Variants in TAX1BP1 observed in about 807,000 individuals in gnomAD.
The protein encoded by TAX1BP1 is Tax1 binding protein 1.
TAX1BP1 carries 62 observed loss-of-function variants against 97.7 expected under a neutral mutation model. The observed-to-expected ratio is 0.63, with a 90% confidence interval of 0.52 to 0.78. TAX1BP1 has a LOEUF of 0.78. Ranked by LOEUF, TAX1BP1 falls within the 30% of genes least tolerant of loss-of-function variation. TAX1BP1 has a pLI of 0.00. For missense variants in TAX1BP1, 867 were observed against 916.1 expected, an observed-to-expected ratio of 0.95 and a Z score of 0.69; for synonymous variants, 340 against 304.2, an observed-to-expected ratio of 1.12 and a Z score of -1.23.
chr7:27,814,874 C>G (rs182108019), intron 13 of TAX1BP1, among the ~76,000 whole-genome samples: 1 of 152,088 alleles, frequency 6.6e-6, no homozygotes, highest in Non-Finnish European at 1.5e-5. Context: ...GTAGCTGGGA[C>G]TACAGGTGTG....
rs907842891 is a variant in TAX1BP1, at chr7:27,772,228, T to G, written c.612+2394T>G. 4.6e-5 allele frequency: 7 copies of G among 152,078 alleles called. No homozygotes were observed. The South Asian group carries it at 6.2e-4, about 14-fold the overall frequency. The allele number at this position is 152,078 out of a possible 1,614,324, so 9.4% of individuals were successfully genotyped here. A position where few individuals can be genotyped will look rare whatever the true frequency, so the allele number is the denominator to read the frequency against. ...TAATCAAGCATGCCTGCTGGGCAGC[T>G]ACAACTCCAGACTTTCAAACTGGTC... On this transcript the variant is annotated intron_variant, in intron 5 of 16. Transcript: ENST00000396319.
At chr7:27,774,511 T>C (rs1262785414) in intron 5 of TAX1BP1, among the ~76,000 whole-genome samples, 4 of 152,106 alleles carry the variant, frequency 2.6e-5, no homozygotes, top group African/African-American at 7.2e-5. Context: ...ATGGAATAAA[T>C]AGATAACAAT....
At chr7:27,810,104 T>TTTAGTAGAGACAAA (rs1790498783) in intron 13 of TAX1BP1, among the ~76,000 whole-genome samples, 1 of 152,080 alleles carries the variant, frequency 6.6e-6, no homozygotes, top group Admixed American at 6.5e-5. Flanking sequence ...AGACAAGGTT[T>TTTAGTAGAGACAAA]CACTGTGTTA....
Position 27,752,229 on chromosome 7 carries a change from T to C in TAX1BP1, c.162+3543T>C, listed in dbSNP as rs115695329. 6.1e-3 allele frequency among the ~76,000 whole-genome samples: 933 copies of C among 152,282 alleles called. 7 individuals are homozygous for C. Among genetic ancestry groups the C allele is most frequent in the African/African-American group, 0.018 (751 of 41,544 alleles). ...ATCCATAAGTAGAATTCATAGGATA[T>C]GTCAACAGTCAATTGAATTAGAACT... On this transcript the variant is annotated intron_variant, in intron 2 of 16. Coordinates refer to ENST00000396319, the MANE Select transcript of TAX1BP1 (RefSeq NM_006024.7).
intron 5 of TAX1BP1, among the ~76,000 whole-genome samples, chr7:27,783,122 C>T (rs937131959): frequency 2.0e-5 from 3 of 152,096 alleles, no homozygotes; most frequent in African/African-American, 7.2e-5. Flanking sequence ...TCTCCCTTTG[C>T]CCCAATTTTT....
chr7:27,799,518 G>T (rs574985113), intron 12 of TAX1BP1, among the ~76,000 whole-genome samples: 1 of 152,008 alleles, frequency 6.6e-6, no homozygotes, highest in African/African-American at 2.4e-5. Context: ...GTGAAATGTT[G>T]TAGTGTTCCA....
chr7:27,792,116 A>G lies in TAX1BP1; in HGVS notation c.1149A>G (p.Val383=), dbSNP rs764124035. Residue 383 remains valine (V), a synonymous_variant, in exon 9 of 17, where the codon GTA becomes GTG. Transcript: ENST00000396319. The part of the protein sequence containing the change: ...LAKELSDAVN[V]RDRTMADLHT... ...AAGAACTCAGTGATGCTGTCAACGT[A>G]CGAGACAGAACGATGGCAGACCTGC... The G allele has an allele frequency of 1.9e-6, 3 of 1,614,090 alleles. No homozygotes were observed. The highest frequency in any genetic ancestry group is 8.5e-7 in the Non-Finnish European group (1 of 1,180,024).
rs568302817 is a variant in TAX1BP1 at position 27,769,425 on chromosome 7, C to A, written c.454-251C>A. On this transcript the variant is annotated intron_variant, in intron 4 of 16. Transcript: ENST00000396319. ...GATCTCAAAAATGATTAGCAGCCAA[C>A]TTCATAATACAGTTCTCTCATTTTG... Among the ~76,000 whole-genome samples the A allele has an allele frequency of 4.6e-5, 7 of 151,996 alleles. No individual in the cohort carries two copies. In the South Asian group the frequency reaches 1.5e-3, roughly 32 times the overall value.
chr7:27,741,989 C>G (rs549909308), intron 1 of TAX1BP1, among the ~76,000 whole-genome samples: 2 of 152,354 alleles, frequency 1.3e-5, no homozygotes, highest in African/African-American at 4.8e-5. Flanking sequence ...ACATAAACAT[C>G]TCAATGCTTT....
intron 3 of TAX1BP1, among the ~76,000 whole-genome samples, 177 bp from the exon 4 acceptor site, chr7:27,765,657 A>G (rs1788603240): frequency 6.6e-6 from 1 of 152,224 alleles, no homozygotes. Context: ...GAAAAAATTT[A>G]ACTTTGAGTA....
chr7:27,761,415 A>G (rs2128310343), intron 3 of TAX1BP1, among the ~76,000 whole-genome samples: 1 of 152,300 alleles, frequency 6.6e-6, no homozygotes, highest in African/African-American at 2.4e-5. Context: ...ATGAAGACAT[A>G]TACCTACTGT....
In TAX1BP1 at chr7:27,800,037, A is replaced by T; in HGVS notation, c.1711A>T (p.Lys571Ter). The change falls in exon 13 of 17, where the codon AAA becomes TAA. Residue 571 changes from lysine to a stop codon, truncating the protein, a stop_gained. Coordinates refer to ENST00000396319, the MANE Select transcript of TAX1BP1 (RefSeq NM_006024.7). LOFTEE classifies it high-confidence loss of function. ...KMELKWKEQV[K>*]IAENVKLELA... ...GGAGCTGAAATGGAAAGAACAAGTG[A>T]AAATTGCTGAAAATGTAAAACTTGA... 1 of 1,602,424 alleles carries T rather than the reference A, an allele frequency of 6.2e-7. No homozygotes were observed. Among genetic ancestry groups the T allele is most frequent in the South Asian group, 1.1e-5 (1 of 88,770 alleles).
Position 27,785,295 on chromosome 7 carries a change from G to C in TAX1BP1, c.745G>C (p.Glu249Gln). ...AGTAACACATAAAGCAATTGAAAAA[G>C]AAACCGAATTAGACAGGTATTTCTC... is the stretch of plus-strand genomic sequence containing the variant. ...VSVTHKAIEK[E>Q]TELDSLKDKL... The change falls in exon 6 of 17, where the codon GAA becomes CAA. Residue 249 changes from glutamate (E) to glutamine (Q), a missense_variant. Coordinates refer to ENST00000396319, the MANE Select transcript of TAX1BP1 (RefSeq NM_006024.7). 2 of 1,608,430 alleles carry C rather than the reference G, an allele frequency of 1.2e-6. No homozygotes were observed. Among genetic ancestry groups the C allele is most frequent in the East Asian group, 4.5e-5 (2 of 44,712 alleles).
At chr7:27,753,658 C>A (rs1370213058) in intron 2 of TAX1BP1, among the ~76,000 whole-genome samples, 1 of 151,878 alleles carries the variant, frequency 6.6e-6, no homozygotes, top group Admixed American at 6.6e-5. Flanking sequence ...AAAAATAGAA[C>A]AATTGTAACA....
chr7:27,747,258 G>A (rs966918459), intron 1 of TAX1BP1, among the ~76,000 whole-genome samples: 1 of 152,002 alleles, frequency 6.6e-6, no homozygotes, highest in Non-Finnish European at 1.5e-5. Context: ...TTGCTTTTTT[G>A]GGTAAATCCT....
rs1318302517 is a variant in TAX1BP1, at chr7:27,791,456, A to G, written c.1039-550A>G. ...GTATGAATTACTTTTCATTTTCCCA[A>G]TGCCTCGTCTTTACTATTTGTATAT... On this transcript the variant is annotated intron_variant, in intron 8 of 16. Transcript: ENST00000396319. Among the ~76,000 whole-genome samples the G allele has an allele frequency of 2.6e-5, 4 of 152,106 alleles. No homozygotes were observed. The East Asian group carries it at 5.8e-4, about 22-fold the overall frequency.
intron 10 of TAX1BP1, among the ~76,000 whole-genome samples, chr7:27,793,497 A>G (rs1789796937): frequency 6.6e-6 from 1 of 152,210 alleles, no homozygotes; most frequent in Non-Finnish European, 1.5e-5. Flanking sequence ...TCTGTCACTC[A>G]AAACTCAATA....
chr7:27,765,157 A>G (rs1018979955), intron 3 of TAX1BP1, among the ~76,000 whole-genome samples: 5 of 147,326 alleles, frequency 3.4e-5, no homozygotes, highest in Non-Finnish European at 7.5e-5. Context: ...CTGGGACTGC[A>G]GGTACATGCC....
chr7:27,797,135 C>T (rs996940907), intron 12 of TAX1BP1, among the ~76,000 whole-genome samples: 1 of 151,662 alleles, frequency 6.6e-6, no homozygotes, highest in African/African-American at 2.4e-5. Flanking sequence ...GTAGCTGAGA[C>T]TACAGGCGCC....
Sources: allele counts gnomAD v4.1 joint callset (sites outside exome capture counted in the v4.1 genomes callset), GRCh38; gene constraint gnomAD v4.1.1; transcripts MANE v1.5; gene names NCBI Gene and HGNC (gene_info 2026-07-23, HGNC 2026-07-21).